Variants in ANKS1B observed in about 807,000 individuals in gnomAD.
ANKS1B encodes the protein ankyrin repeat and sterile alpha motif domain containing 1B, also known as ankyrin repeat and sterile alpha motif domain-containing protein 1B.
In ANKS1B, 36 loss-of-function variants were observed where a neutral mutation model predicts 148.3. The ratio of observed to expected loss-of-function variants is 0.24; its 90% CI spans 0.19 to 0.32. The LOEUF is 0.32. Ranked by LOEUF, ANKS1B falls within the 10% of genes least tolerant of loss-of-function variation. ANKS1B has a pLI of 1.00. For missense variants in ANKS1B, 1,157 were observed against 1,542.6 expected, an observed-to-expected ratio of 0.75 and a Z score of 4.19; for synonymous variants, 542 against 560.8, an observed-to-expected ratio of 0.97 and a Z score of 0.47.
intron 17 of ANKS1B, among the ~76,000 whole-genome samples, chr12:98,837,617 A>G (rs916945782): frequency 5.3e-5 from 8 of 152,152 alleles, no homozygotes; most frequent in African/African-American, 1.9e-4. Flanking sequence ...ATATCACGTC[A>G]CTGCTGTTTA....
intron 17 of ANKS1B, among the ~76,000 whole-genome samples, chr12:98,988,629 A>G (rs1246827045): frequency 6.6e-6 from 1 of 152,096 alleles, no homozygotes; most frequent in Non-Finnish European, 1.5e-5. Context: ...CAGTGGTGGG[A>G]TTATTAGATC....
At chr12:99,864,211 A>C (rs976443161) in intron 1 of ANKS1B, among the ~76,000 whole-genome samples, 14 of 151,994 alleles carry the variant, frequency 9.2e-5, no homozygotes, top group African/African-American at 3.1e-4. Flanking sequence ...CCCACCTTCA[A>C]TCTCTTTATC....
intron 10 of ANKS1B, among the ~76,000 whole-genome samples, chr12:99,483,734 G>A (rs1260568507): frequency 6.6e-6 from 1 of 151,890 alleles, no homozygotes; most frequent in Non-Finnish European, 1.5e-5. Context: ...TATGAGTGGT[G>A]TATGTTTCCA....
chr12:99,278,125 G>A (rs2077916838), intron 12 of ANKS1B, among the ~76,000 whole-genome samples: 1 of 152,210 alleles, frequency 6.6e-6, no homozygotes, highest in African/African-American at 2.4e-5. Flanking sequence ...GGAAGCAGCT[G>A]CCCATCAGGA....
At chr12:99,886,431 T>C (rs1259148139) in intron 1 of ANKS1B, among the ~76,000 whole-genome samples, 1 of 152,234 alleles carries the variant, frequency 6.6e-6, no homozygotes, top group Non-Finnish European at 1.5e-5. Context: ...TGGCATTTCC[T>C]ATTGTGTAAT....
intron 12 of ANKS1B, among the ~76,000 whole-genome samples, chr12:99,352,559 C>T (rs532123132): frequency 6.6e-5 from 10 of 152,112 alleles, no homozygotes; most frequent in African/African-American, 2.4e-4. Flanking sequence ...TGAAACTGTG[C>T]CTTAACATGC....
In ANKS1B at chr12:99,632,754, TATATA is replaced by T. The variant is rs1248781111; in HGVS notation, c.1272+22308_1272+22312del. On this transcript the variant is annotated intron_variant, in intron 9 of 26. Transcript: ENST00000683438. ...ATATATATATATATATATATATATA[TATATA>T]TATATATATTTTAATTATACTTTAA... is the stretch of plus-strand genomic sequence containing the variant. 6.0e-4 allele frequency among the ~76,000 whole-genome samples: 66 copies of T among 110,778 alleles called. 1 individual carries two copies. The highest frequency in any genetic ancestry group is 2.2e-3 in the African/African-American group (65 of 29,834). 72.7% of individuals were successfully genotyped at this position (110,778 alleles called of 152,430 possible).
At chr12:99,567,985 C>T (rs1167330006) in intron 9 of ANKS1B, among the ~76,000 whole-genome samples, 1 of 152,138 alleles carries the variant, frequency 6.6e-6, no homozygotes, top group Non-Finnish European at 1.5e-5. Context: ...ACAACAAGGA[C>T]AATTTATTAT....
At chr12:99,822,531 G>C (rs539509281) in intron 2 of ANKS1B, among the ~76,000 whole-genome samples, 34 of 152,280 alleles carry the variant, frequency 2.2e-4, no homozygotes, top group Non-Finnish European at 3.4e-4. Context: ...TTATAAGTGA[G>C]AACATGCAGT....
Position 99,530,468 on chromosome 12 carries a change from C to T in ANKS1B, c.1273-25827G>A, listed in dbSNP as rs191898426. Among the ~76,000 whole-genome samples, 468 of 152,300 alleles carry T rather than the reference C, an allele frequency of 3.1e-3. 1 individual carries two copies. Among genetic ancestry groups the T allele is most frequent in the Non-Finnish European group, 4.8e-3 (327 of 68,026 alleles). On this transcript the variant is annotated intron_variant, in intron 9 of 26. Transcript: ENST00000683438. ...GAACAGGAACAGAGAGAAGCCCAGT[C>T]ACACTTATCCATAACTCTCCACGTG...
At chr12:98,807,348 C>G (rs555532685) in intron 20 of ANKS1B, among the ~76,000 whole-genome samples, 3 of 152,092 alleles carry the variant, frequency 2.0e-5, no homozygotes, top group Admixed American at 6.6e-5. Context: ...CACCTCCCCC[C>G]ACATTTGCAT....
Position 98,960,677 on chromosome 12 carries a change from T to C in ANKS1B, c.2778+92480A>G, listed in dbSNP as rs538652322. Among the ~76,000 whole-genome samples the C allele has an allele frequency of 4.6e-5, 7 of 151,778 alleles. No homozygotes were observed. The East Asian group carries it at 1.4e-3, about 29-fold the overall frequency. On this transcript the variant is annotated intron_variant, in intron 17 of 26. Transcript: ENST00000683438. ...AACTAAATAAATCACCAGGGACCAA[T>C]CCCAGAGAGACAGAGATATGTAACC... is the stretch of plus-strand genomic sequence containing the variant.
intron 12 of ANKS1B, among the ~76,000 whole-genome samples, chr12:99,257,068 C>T (rs934208094): frequency 1.3e-5 from 2 of 152,062 alleles, no homozygotes; most frequent in Non-Finnish European, 2.9e-5. Context: ...CACTGTGAAA[C>T]CCGGTCTCTA....
intron 15 of ANKS1B, among the ~76,000 whole-genome samples, chr12:99,137,075 A>G (rs533459240): frequency 1.3e-5 from 2 of 152,272 alleles, no homozygotes; most frequent in South Asian, 4.1e-4. Context: ...TAGTGCTGTC[A>G]TTGTCTTGGT....
intron 1 of ANKS1B, among the ~76,000 whole-genome samples, chr12:99,883,610 T>C (rs2092654948): frequency 2.1e-5 from 2 of 96,522 alleles, no homozygotes; most frequent in African/African-American, 6.4e-5. Flanking sequence ...AGGCATAGAC[T>C]TGGGGCAGGG....
At chr12:99,236,455 C>T (rs1277870921) in intron 14 of ANKS1B, among the ~76,000 whole-genome samples, 1 of 152,102 alleles carries the variant, frequency 6.6e-6, no homozygotes, top group Non-Finnish European at 1.5e-5. Context: ...AGGAGAGAGA[C>T]ACAGTAAAGG....
intron 25 of ANKS1B, among the ~76,000 whole-genome samples, chr12:98,764,382 G>A (rs769135892): frequency 6.6e-6 from 1 of 152,054 alleles, no homozygotes; most frequent in Non-Finnish European, 1.5e-5. Flanking sequence ...GCCTGCCACC[G>A]TGCCTGGCTA....
intron 13 of ANKS1B, among the ~76,000 whole-genome samples, chr12:99,245,356 A>G (rs772136295): frequency 3.3e-5 from 5 of 152,186 alleles, no homozygotes; most frequent in African/African-American, 4.8e-5. Context: ...CTAACCATCT[A>G]CTAGTATGGA....
chr12:99,593,995 C>T (rs2097730923), intron 9 of ANKS1B, among the ~76,000 whole-genome samples: 1 of 151,856 alleles, frequency 6.6e-6, no homozygotes, highest in Non-Finnish European at 1.5e-5. Context: ...CAGCAAAGCA[C>T]ACAGTCTTAG....
Sources: allele counts gnomAD v4.1 joint callset (sites outside exome capture counted in the v4.1 genomes callset), GRCh38; gene constraint gnomAD v4.1.1; transcripts MANE v1.5; gene names NCBI Gene and HGNC (gene_info 2026-07-23, HGNC 2026-07-21).